LRRIQ1: variants seen among roughly 807,000 people sequenced by gnomAD.
The protein encoded by LRRIQ1 is leucine-rich repeat- and IQ domain-containing protein 1.
LRRIQ1 carries 210 observed loss-of-function variants against 211.9 expected under a neutral mutation model. That is an observed-to-expected ratio of 0.99 (90% CI 0.89 to 1.11). The LOEUF (loss-of-function observed/expected upper bound fraction) is 1.11, where lower values mean the gene tolerates loss of function less well. LRRIQ1 is among the 50% of genes most tolerant of loss of function. The pLI, the probability that LRRIQ1 is intolerant of heterozygous loss-of-function variation, is 0.00. For missense variants in LRRIQ1, 2,136 were observed against 1,939.5 expected (o/e 1.10, Z -1.90); for synonymous variants, 699 against 650.1 (o/e 1.08, Z -1.14).
rs146423260 is a variant in LRRIQ1 at position 85,086,554 on chromosome 12, G to A, written c.2888-11801G>A. Among the ~76,000 whole-genome samples, 235 of 152,108 alleles carry A rather than the reference G, an allele frequency of 1.5e-3. 1 individual carries two copies. Among genetic ancestry groups the A allele is most frequent in the African/African-American group, 5.4e-3 (223 of 41,528 alleles). On this transcript the variant is annotated intron_variant, in intron 11 of 26. Transcript: ENST00000393217. ...CACTATGCTTCCTGTAAAGCCTGGAGAATATGAAACAATTAAATATCTTTT... is the reference window on the plus strand; with the variant it reads ...CACTATGCTTCCTGTAAAGCCTGGAAAATATGAAACAATTAAATATCTTTT...
At chr12:85,211,723 A>G (rs1335063782) in intron 24 of LRRIQ1, among the ~76,000 whole-genome samples, 2 of 152,176 alleles carry the variant, frequency 1.3e-5, no homozygotes, top group Non-Finnish European at 2.9e-5. Flanking sequence ...GATATTTAAA[A>G]TGGTAATAGT....
At chr12:85,258,048 G>A (rs1383292151) in intron 1 of LRRIQ1, among the ~76,000 whole-genome samples, 4 of 151,708 alleles carry the variant, frequency 2.6e-5, no homozygotes, top group African/African-American at 9.7e-5. Context: ...AAATACATGA[G>A]TTAAAAAAAC....
intron 6 of LRRIQ1, chr12:85,048,065 A>T (rs1879852210): frequency 6.6e-6 from 1 of 152,322 alleles, no homozygotes; most frequent in Non-Finnish European, 1.5e-5. Context: ...GGATTTTAGG[A>T]CACCACTTGC....
intron 7 of LRRIQ1, among the ~76,000 whole-genome samples, chr12:85,054,130 A>G (rs1256646058): frequency 6.6e-6 from 1 of 152,152 alleles, no homozygotes. Context: ...TCATCCACAC[A>G]TATTTACTGG....
intron 24 of LRRIQ1, among the ~76,000 whole-genome samples, chr12:85,192,600 T>TATAA (rs1892603624): frequency 1.0e-3 from 112 of 110,674 alleles, no homozygotes; most frequent in Admixed American, 1.4e-3. Context: ...TATAATTGTG[T>TATAA]ATATATAGTT....
intron 23 of LRRIQ1, among the ~76,000 whole-genome samples, chr12:85,157,461 G>T (rs1890618040): frequency 6.6e-6 from 1 of 151,804 alleles, no homozygotes; most frequent in Non-Finnish European, 1.5e-5. Context: ...ATAATGACTG[G>T]TCTTGTATTT....
intron 1 of LRRIQ1, among the ~76,000 whole-genome samples, chr12:85,262,454 T>G (rs915399077): frequency 1.3e-5 from 2 of 152,064 alleles, no homozygotes; most frequent in African/African-American, 4.8e-5. Flanking sequence ...TAATGTACTT[T>G]CCACTTTACC....
Position 85,124,205 on chromosome 12 carries a change from G to A in LRRIQ1, c.3693G>A (p.Gln1231=). 1 of 1,614,092 alleles carries A rather than the reference G, an allele frequency of 6.2e-7. No individual in the cohort carries two copies. The highest frequency in any genetic ancestry group is 8.5e-7 in the Non-Finnish European group (1 of 1,180,016). ...TITKKDESEA[Q]KNHLAPTNSD... is the part of the protein sequence containing the mutation. ...CCAAGAAAGATGAATCAGAAGCCCA[G>A]AAAAATCATTTGGCCCCTACAAACA... The change falls in exon 17 of 27, where the codon CAG becomes CAA. Residue 1231 remains glutamine (Q), a synonymous_variant. Transcript: ENST00000393217.
chr12:85,145,218 G>A (rs1889807045), intron 19 of LRRIQ1, among the ~76,000 whole-genome samples: 1 of 151,332 alleles, frequency 6.6e-6, no homozygotes, highest in African/African-American at 2.4e-5. Context: ...CTAAGTTTAG[G>A]GAATATCAGA....
intron 23 of LRRIQ1, among the ~76,000 whole-genome samples, chr12:85,158,062 A>G (rs1592900630): frequency 6.6e-6 from 1 of 151,874 alleles, no homozygotes; most frequent in African/African-American, 2.4e-5. Context: ...CAATTTTCAG[A>G]AAGATTTTAC....
chr12:85,265,511 C>T (rs1314146400), downstream of LRRIQ1, among the ~76,000 whole-genome samples: 2 of 151,906 alleles, frequency 1.3e-5, no homozygotes, highest in Admixed American at 6.6e-5. Flanking sequence ...TTTTTACTTA[C>T]CTAGATGGAG....
intron 23 of LRRIQ1, among the ~76,000 whole-genome samples, chr12:85,157,324 G>A (rs913087097): frequency 6.6e-6 from 1 of 151,800 alleles, no homozygotes; most frequent in African/African-American, 2.4e-5. Context: ...TTGATTGAAA[G>A]CTACACGGTA....
intron 15 of LRRIQ1, among the ~76,000 whole-genome samples, chr12:85,121,002 T>A (rs1201239823): frequency 2.0e-5 from 3 of 152,176 alleles, no homozygotes; most frequent in African/African-American, 7.2e-5. Context: ...GGAGCCTCGC[T>A]CTGTCACCAG....
At chr12:85,076,558 A>G (rs974804713) in intron 11 of LRRIQ1, 128 of 705,038 alleles carry the variant, frequency 1.8e-4, no homozygotes, top group Non-Finnish European at 2.1e-4. Flanking sequence ...TATTTTCTAG[A>G]TAATACTGCT....
Position 85,040,493 on chromosome 12 carries a change from T to C in LRRIQ1, c.136T>C (p.Ser46Pro), listed in dbSNP as rs768626607. ...ETQSDDSDTD[S>P]VELPESVLHC... ...CTTGTATTATTCAAATTTTTAGGAT[T>C]CAGTTGAATTACCAGAATCAGTTCT... The change falls in exon 3 of 27, where the codon TCA becomes CCA. Residue 46 changes from serine (S) to proline (P), a missense_variant. Physicochemically the swap from Ser to Pro is moderately conservative, Grantham distance 74. Transcript: ENST00000393217. The C allele has an allele frequency of 6.6e-7, 1 of 1,526,680 alleles. No individual in the cohort carries two copies. The highest frequency in any genetic ancestry group is 1.3e-5 in the South Asian group (1 of 77,420). The allele number at this position is 1,526,680 out of a possible 1,614,324, so 94.6% of individuals were successfully genotyped here.
intron 24 of LRRIQ1, among the ~76,000 whole-genome samples, chr12:85,192,903 A>G (rs1463019676): frequency 7.1e-5 from 7 of 98,866 alleles, no homozygotes; most frequent in Non-Finnish European, 1.1e-4. Flanking sequence ...TATATACTAT[A>G]ATTATACATA....
At chr12:85,042,130 T>TA (rs201366871) in intron 3 of LRRIQ1, among the ~76,000 whole-genome samples, 2,218 of 151,486 alleles carry the variant, frequency 0.015, 51 homozygotes, top group African/African-American at 0.049. Context: ...AGCCTAATTA[T>TA]AAAAAAAATC....
chr12:85,117,993 G>T (rs1397285288), intron 15 of LRRIQ1, among the ~76,000 whole-genome samples: 1 of 151,944 alleles, frequency 6.6e-6, no homozygotes, highest in Non-Finnish European at 1.5e-5. Flanking sequence ...ATTTATTTTT[G>T]GTTATTACCA....
At chr12:85,117,120 G>A (rs1887639257) in intron 15 of LRRIQ1, among the ~76,000 whole-genome samples, 2 of 152,146 alleles carry the variant, frequency 1.3e-5, no homozygotes, top group African/African-American at 4.8e-5. Context: ...AGTGTTGGAG[G>A]CACACTATAA....
Sources: gnomAD v4.1 joint callset for allele counts (sites outside exome capture counted in the v4.1 genomes callset) on GRCh38, gnomAD v4.1.1 for gene constraint, MANE v1.5 for transcripts, NCBI Gene and HGNC (gene_info 2026-07-23, HGNC 2026-07-21) for gene names.